Variants in ALKBH1 observed in about 807,000 individuals in gnomAD.
ALKBH1 encodes nucleic acid dioxygenase ALKBH1.
A neutral mutation model predicts 36.6 loss-of-function variants in ALKBH1; 31 were observed. The observed-to-expected ratio is 0.85, with a 90% CI of 0.64 to 1.14. The LOEUF (loss-of-function observed/expected upper bound fraction) is 1.14. ALKBH1 is among the 50% of genes most tolerant of loss of function. The pLI, the probability that ALKBH1 is intolerant of heterozygous loss-of-function variation, is 0.00. For missense variants in ALKBH1, 490 were observed against 497.3 expected (o/e 0.99, Z 0.14); for synonymous variants, 183 against 186.6 (o/e 0.98, Z 0.16).
At chr14:77,699,120 A>AG (rs1459121476) in intron 2 of ALKBH1, among the ~76,000 whole-genome samples, 1 of 152,218 alleles carries the variant, frequency 6.6e-6, no homozygotes, top group East Asian at 1.9e-4. Flanking sequence ...GCCAGAAAGC[A>AG]GCCATACATA....
intron 3 of ALKBH1, among the ~76,000 whole-genome samples, chr14:77,685,975 T>C (rs903484228): frequency 1.3e-5 from 2 of 152,176 alleles, no homozygotes; most frequent in South Asian, 2.1e-4. Flanking sequence ...CCCATGTAAG[T>C]GCATTAGACC....
At chr14:77,703,614 T>G (rs2080372110) in intron 2 of ALKBH1, among the ~76,000 whole-genome samples, 1 of 140,348 alleles carries the variant, frequency 7.1e-6, no homozygotes, top group Non-Finnish European at 1.6e-5. Context: ...TTTTTTTTTT[T>G]GAGACAGAGT....
chr14:77,682,933 G>A (rs954152896), intron 3 of ALKBH1, among the ~76,000 whole-genome samples: 5 of 152,098 alleles, frequency 3.3e-5, no homozygotes, highest in African/African-American at 1.2e-4. Context: ...CTGACCTCAG[G>A]TGGTCCACCC....
intron 2 of ALKBH1, among the ~76,000 whole-genome samples, chr14:77,699,882 G>A (rs187436804): frequency 0.014 from 2,070 of 152,022 alleles, 24 homozygotes; most frequent in South Asian, 0.042. Context: ...ATGAAACCCC[G>A]TCTCTACTAA....
Position 77,673,370 on chromosome 14 carries a change from G to T in ALKBH1, c.*442C>A, listed in dbSNP as rs1383576296. 6.1e-6 allele frequency: 1 copy of T among 164,050 alleles called. No homozygotes were observed. The highest frequency in any genetic ancestry group is 1.3e-5 in the Non-Finnish European group (1 of 74,292). The allele number at this position is 164,050 out of a possible 1,614,324, so 10.2% of individuals were successfully genotyped here. ...TGATGATGCCTGAGGGAGTTAAGAA[G>T]ATGAGACTAATAGCTGGTTCACAGA... On this transcript the variant is annotated 3_prime_UTR_variant, in exon 6 of 6. Coordinates refer to ENST00000216489, the MANE Select transcript of ALKBH1 (RefSeq NM_006020.3).
chr14:77,707,588 G>A (rs1021610390), intron 1 of ALKBH1, among the ~76,000 whole-genome samples: 3 of 152,168 alleles, frequency 2.0e-5, no homozygotes, highest in African/African-American at 4.8e-5. Context: ...CGGATTCCCA[G>A]GCTCTTTTGA....
rs972311096 is a variant in ALKBH1 at position 77,672,419 on chromosome 14, T to C, written c.*1393A>G. ...AGCTTACACATAAGAGATAAATCCA[T>C]AATTTTTATTCATTTAAAAACCCTG... On this transcript the variant is annotated 3_prime_UTR_variant, in exon 6 of 6. Transcript: ENST00000216489. 2 of 152,122 alleles carry C rather than the reference T, an allele frequency of 1.3e-5. No individual in the cohort carries two copies. Among genetic ancestry groups the C allele is most frequent in the African/African-American group, 4.8e-5 (2 of 41,416 alleles). The allele number at this position is 152,122 out of a possible 1,614,324, so 9.4% of individuals were successfully genotyped here.
chr14:77,694,648 T>A (rs17825434), intron 3 of ALKBH1, 90 bp downstream of exon 3: 1 of 1,116,732 alleles, frequency 9.0e-7, no homozygotes, highest in Non-Finnish European at 1.2e-6. Flanking sequence ...AGCCAGTCAC[T>A]TTTACTGCAT....
intron 4 of ALKBH1, among the ~76,000 whole-genome samples, chr14:77,676,574 A>G (rs923784954): frequency 1.3e-5 from 2 of 152,214 alleles, no homozygotes; most frequent in African/African-American, 4.8e-5. Context: ...TATAAGAACA[A>G]AGATATTAGT....
chr14:77,696,494 C>T (rs1196414742), intron 2 of ALKBH1: 3 of 152,908 alleles, frequency 2.0e-5, no homozygotes, highest in African/African-American at 7.2e-5. Flanking sequence ...CTTGTCCTAC[C>T]TGGGGCCTGC....
At chr14:77,698,898 A>T (rs921974871) in intron 2 of ALKBH1, among the ~76,000 whole-genome samples, 3 of 152,166 alleles carry the variant, frequency 2.0e-5, no homozygotes, top group Admixed American at 2.0e-4. Flanking sequence ...ACAGGCTTGG[A>T]CTACCATGCC....
intron 3 of ALKBH1, among the ~76,000 whole-genome samples, chr14:77,680,677 C>CTCTTTTTTTTTTTT (rs774703181): frequency 3.2e-5 from 4 of 124,348 alleles, no homozygotes; most frequent in Non-Finnish European, 3.3e-5. Flanking sequence ...ATTAACTACT[C>CTCTTTTTTTTTTTT]TTTTTTTTTT....
rs765368531 is a variant in ALKBH1, at chr14:77,694,927, A to G, written c.293-27T>C. The G allele has an allele frequency of 2.3e-5, 34 of 1,461,864 alleles. No homozygotes were observed. The African/African-American group carries it at 4.2e-4, about 18-fold the overall frequency. 90.6% of individuals were successfully genotyped at this position (1,461,864 alleles called of 1,614,324 possible). A position where few individuals can be genotyped will look rare whatever the true frequency, so the allele number is the denominator to read the frequency against. On this transcript the variant is annotated intron_variant, in intron 2 of 5. Transcript: ENST00000216489. ...TATACAAAAGATGGGTGGGAAAAAA[A>G]GAAGAGGGGGAAATTCTCCATCAGT...
chr14:77,687,682 T>C (rs978051037), intron 3 of ALKBH1, among the ~76,000 whole-genome samples: 3 of 150,472 alleles, frequency 2.0e-5, no homozygotes, highest in Non-Finnish European at 4.4e-5. Context: ...CTTCTCTTCT[T>C]GAAACATTTT....
In ALKBH1 at chr14:77,673,092, ACACC is replaced by A. The variant is rs2080185176; in HGVS notation, c.*716_*719del. ...TATTCATGGAGAAAACAGTAACAAAACACCCTTGGGACTTTTTTATTCCAACAAT... is the reference window on the plus strand; with the variant it reads ...TATTCATGGAGAAAACAGTAACAAAACTTGGGACTTTTTTATTCCAACAAT... On this transcript the variant is annotated 3_prime_UTR_variant, in exon 6 of 6. Transcript: ENST00000216489. 1 of 152,228 alleles carries A rather than the reference ACACC, an allele frequency of 6.6e-6. No homozygotes were observed. Among genetic ancestry groups the A allele is most frequent in the African/African-American group, 2.4e-5 (1 of 41,464 alleles). 9.4% of individuals were successfully genotyped at this position (152,228 alleles called of 1,614,324 possible). A position where few individuals can be genotyped will look rare whatever the true frequency, so the allele number is the denominator to read the frequency against.
At chr14:77,695,534 G>T (rs1306478386) in intron 2 of ALKBH1, among the ~76,000 whole-genome samples, 2 of 152,166 alleles carry the variant, frequency 1.3e-5, no homozygotes, top group Non-Finnish European at 2.9e-5. Context: ...GCCTCATTAT[G>T]TCCTCTCCTC....
rs1383995147 is a variant in ALKBH1 at position 77,675,562 on chromosome 14, AAAGTT to A, written c.740+89_740+93del. On this transcript the variant is annotated intron_variant, in intron 5 of 5. Transcript: ENST00000216489. ...GATTATAGAGTCCAACCACTTTTTT[AAAGTT>A]AAATACCTGTATTTATTTTAGAGTA... 1.3e-5 allele frequency: 15 copies of A among 1,144,922 alleles called. No homozygotes were observed. In the African/African-American group the frequency reaches 2.4e-4, roughly 18 times the overall value. 70.9% of individuals were successfully genotyped at this position (1,144,922 alleles called of 1,614,324 possible). A position where few individuals can be genotyped will look rare whatever the true frequency, so the allele number is the denominator to read the frequency against.
chr14:77,692,800 T>G (rs2080304693), intron 3 of ALKBH1, among the ~76,000 whole-genome samples: 1 of 151,184 alleles, frequency 6.6e-6, no homozygotes, highest in African/African-American at 2.4e-5. Flanking sequence ...CAAATTGTAT[T>G]TATTTATTTA....
In ALKBH1 at chr14:77,674,537, A is replaced by C. The variant is rs2080194590; in HGVS notation, c.741-296T>G. Reference sequence around the variant, plus strand: ...ACTTAGCTTTAATGTTATCCATTTAAGTTTTATTGATGGTTTTTTTTTTAA... The same window carrying C: ...ACTTAGCTTTAATGTTATCCATTTACGTTTTATTGATGGTTTTTTTTTTAA... On this transcript the variant is annotated intron_variant, in intron 5 of 5. Transcript: ENST00000216489. Among the ~76,000 whole-genome samples, 4 of 138,722 alleles carry C rather than the reference A, an allele frequency of 2.9e-5. No homozygotes were observed. In the South Asian group the frequency reaches 1.0e-3, roughly 35 times the overall value. The allele number at this position is 138,722 out of a possible 152,430, so 91.0% of individuals were successfully genotyped here.
Sources: allele counts gnomAD v4.1 joint callset (sites outside exome capture counted in the v4.1 genomes callset), GRCh38; gene constraint gnomAD v4.1.1; transcripts MANE v1.5; gene names NCBI Gene and HGNC (gene_info 2026-07-23, HGNC 2026-07-21).